FAT4: variants seen among roughly 807,000 people sequenced by gnomAD.
FAT4 encodes FAT atypical cadherin 4, also known as protocadherin Fat 4.
In FAT4, 84 loss-of-function variants were observed where a neutral mutation model predicts 303.9. That is an observed-to-expected ratio of 0.28 (90% CI 0.23 to 0.33). The LOEUF is 0.33. FAT4 is among the 10% of genes least tolerant of loss of function. The pLI, the probability that FAT4 is intolerant of heterozygous loss-of-function variation, is 1.00. For synonymous variants in FAT4, 2,307 were observed against 2,298.8 expected, an observed-to-expected ratio of 1.00 and a Z score of -0.10; for missense variants, 6,005 against 6,146.8, an observed-to-expected ratio of 0.98 and a Z score of 0.77.
chr4:125,339,805 C>A (rs1233639317), intron 2 of FAT4, among the ~76,000 whole-genome samples: 1 of 152,024 alleles, frequency 6.6e-6, no homozygotes, highest in African/African-American at 2.4e-5. Context: ...AATAGCACAT[C>A]CTGACCTGGT....
At position 125,491,941 on chromosome 4, in the gene FAT4, CTTAAT is replaced by C; in HGVS notation, c.*178_*182del. ...CTGCTGAAACAGACTCACAACAACT[CTTAAT>C]TTAAACATGTGTGGTTGAATTTATT... is the stretch of plus-strand genomic sequence containing the variant. On this transcript the variant is annotated 3_prime_UTR_variant, in exon 18 of 18. Coordinates refer to ENST00000394329, the MANE Select transcript of FAT4 (RefSeq NM_001291303.3). 1 of 626,920 alleles carries C rather than the reference CTTAAT, an allele frequency of 1.6e-6. No individual in the cohort carries two copies. Among genetic ancestry groups the C allele is most frequent in the Non-Finnish European group, 2.7e-6 (1 of 376,162 alleles). 38.8% of individuals were successfully genotyped at this position (626,920 alleles called of 1,614,324 possible).
At chr4:125,376,271 C>T (rs1247713438) in intron 2 of FAT4, among the ~76,000 whole-genome samples, 1 of 152,006 alleles carries the variant, frequency 6.6e-6, no homozygotes, top group African/African-American at 2.4e-5. Flanking sequence ...TTTATTTTTC[C>T]TTTTAGAAAA....
chr4:125,392,985 C>G (rs1734029958), intron 2 of FAT4, among the ~76,000 whole-genome samples: 1 of 152,050 alleles, frequency 6.6e-6, no homozygotes, highest in Non-Finnish European at 1.5e-5. Flanking sequence ...TTTTGACTCT[C>G]TGTAAAATAA....
intron 2 of FAT4, among the ~76,000 whole-genome samples, chr4:125,336,426 A>T (rs1435335129): frequency 1.3e-5 from 2 of 152,022 alleles, no homozygotes; most frequent in Non-Finnish European, 2.9e-5. Flanking sequence ...TACTGAAGTT[A>T]TATTCTAAAT....
rs1386665543 is a variant in FAT4, at chr4:125,318,552, C to T, written c.2141C>T (p.Thr714Ile). Reference protein sequence around the residue: ...GGSYITTVSATDPDLGTNGTV... With the variant: ...GGSYITTVSAIDPDLGTNGTV... The stretch of plus-strand genomic sequence containing the variant: ...AGCTACATCACCACTGTGTCTGCCA[C>T]TGACCCAGACTTGGGTACCAATGGT... The change falls in exon 2 of 18, where the codon ACT (threonine) becomes ATT (isoleucine). Residue 714 changes from threonine to isoleucine, a missense_variant. Coordinates refer to ENST00000394329, the MANE Select transcript of FAT4 (RefSeq NM_001291303.3). The T allele has an allele frequency of 1.2e-6, 2 of 1,614,100 alleles. No homozygotes were observed. Among genetic ancestry groups the T allele is most frequent in the Non-Finnish European group, 1.7e-6 (2 of 1,180,042 alleles).
At chr4:125,435,265 T>G (rs560476297) in intron 8 of FAT4, among the ~76,000 whole-genome samples, 1 of 152,318 alleles carries the variant, frequency 6.6e-6, no homozygotes, top group Admixed American at 6.5e-5. Flanking sequence ...CTTCCATATC[T>G]ATTCTAAACT....
chr4:125,393,930 A>C (rs778861986), intron 2 of FAT4: 1 of 780,006 alleles, frequency 1.3e-6, no homozygotes, highest in South Asian at 1.3e-5. Flanking sequence ...TTGTGAAGCT[A>C]CCTAAATGGT....
chr4:125,465,103 T>G (rs1010483593), intron 11 of FAT4, among the ~76,000 whole-genome samples: 2 of 151,978 alleles, frequency 1.3e-5, no homozygotes, highest in Non-Finnish European at 2.9e-5. Context: ...TTACCAATGG[T>G]TTTGAGGCCC....
chr4:125,379,261 T>A (rs893333788), intron 2 of FAT4, among the ~76,000 whole-genome samples: 2 of 150,568 alleles, frequency 1.3e-5, no homozygotes, highest in African/African-American at 4.9e-5. Context: ...TTTTTTTTTT[T>A]AAAGTAGGAA....
intron 6 of FAT4, 149 bp downstream of exon 6, chr4:125,415,955 G>C (rs938797366): frequency 1.7e-5 from 11 of 637,138 alleles, no homozygotes; most frequent in Non-Finnish European, 2.9e-5. Flanking sequence ...ATTTTGAAAA[G>C]GAAAGGTTTA....
chr4:125,457,263 T>A (rs1188149688), intron 10 of FAT4, among the ~76,000 whole-genome samples: 1 of 152,054 alleles, frequency 6.6e-6, no homozygotes, highest in East Asian at 1.9e-4. Flanking sequence ...TCCCCTAGGG[T>A]GTGATTAAAT....
At position 125,407,019 on chromosome 4, in the gene FAT4, C is replaced by T; in HGVS notation, c.5447C>T (p.Ala1816Val). Residue 1816 changes from alanine (A) to valine (V), a missense_variant, in exon 4 of 18, where the codon GCT becomes GTT. Ala to Val is a moderately conservative substitution (Grantham distance 64). Transcript: ENST00000394329. ...RRSKYSLLVRADDGLQSSDMR... is the reference protein window; with the variant it reads ...RRSKYSLLVRVDDGLQSSDMR... ...TCCAAATATTCACTGCTAGTTCGTG[C>T]TGATGATGGTCTTCAGTCCTCGGAT... 1 of 1,613,838 alleles carries T rather than the reference C, an allele frequency of 6.2e-7. No homozygotes were observed. The highest frequency in any genetic ancestry group is 1.1e-5 in the South Asian group (1 of 91,080).
At chr4:125,336,785 G>A (rs555239098) in intron 2 of FAT4, among the ~76,000 whole-genome samples, 91 of 151,970 alleles carry the variant, frequency 6.0e-4, no homozygotes, top group African/African-American at 2.0e-3. Context: ...TATTTATTCT[G>A]ATGTTGAGGC....
In FAT4 at chr4:125,318,937, C is replaced by G; in HGVS notation, c.2526C>G (p.Asn842Lys). The G allele has an allele frequency of 6.2e-7, 1 of 1,614,128 alleles. No homozygotes were observed. Among genetic ancestry groups the G allele is most frequent in the Non-Finnish European group, 8.5e-7 (1 of 1,180,022 alleles). ...TGDQKGMFAI[N>K]QVTGQLTTAN... ...ATCAGAAAGGTATGTTTGCTATCAACCAGGTCACTGGGCAGCTTACCACAG... is the reference window on the plus strand; with the variant it reads ...ATCAGAAAGGTATGTTTGCTATCAAGCAGGTCACTGGGCAGCTTACCACAG... Residue 842 changes from asparagine (N) to lysine (K), a missense_variant, in exon 2 of 18, where the codon AAC becomes AAG. Asn to Lys is a moderately conservative substitution (Grantham distance 94). Coordinates refer to ENST00000394329, the MANE Select transcript of FAT4 (RefSeq NM_001291303.3).
intron 2 of FAT4, among the ~76,000 whole-genome samples, chr4:125,340,785 C>T (rs1257913345): frequency 6.6e-6 from 1 of 152,080 alleles, no homozygotes; most frequent in Non-Finnish European, 1.5e-5. Flanking sequence ...ATAGTAACAG[C>T]ATAGTAACAG....
chr4:125,427,732 C>T (rs937614629), intron 7 of FAT4, among the ~76,000 whole-genome samples: 6 of 151,992 alleles, frequency 3.9e-5, no homozygotes, highest in South Asian at 2.1e-4. Context: ...ACAAACACAC[C>T]GCTAGTCAGG....
At position 125,431,494 on chromosome 4, in the gene FAT4, T is replaced by C. The variant is rs144101840; in HGVS notation, c.7019-2751T>C. ...TCCTGAGAGCTGTAATACAGAAAACTATATAATAAAAAATGACTTTTTATA... is the reference window on the plus strand; with the variant it reads ...TCCTGAGAGCTGTAATACAGAAAACCATATAATAAAAAATGACTTTTTATA... On this transcript the variant is annotated intron_variant, in intron 7 of 17. Coordinates refer to ENST00000394329, the MANE Select transcript of FAT4 (RefSeq NM_001291303.3). 3.5e-3 allele frequency among the ~76,000 whole-genome samples: 531 copies of C among 152,270 alleles called. 3 individuals are homozygous for C. The highest frequency in any genetic ancestry group is 0.012 in the African/African-American group (504 of 41,562).
chr4:125,401,794 A>G (rs1734400110), intron 3 of FAT4, among the ~76,000 whole-genome samples: 6 of 151,880 alleles, frequency 4.0e-5, no homozygotes, highest in Admixed American at 3.3e-4. Context: ...TCGTGGTACC[A>G]TACATGTTTT....
chr4:125,471,171 T>C (rs1481276083), intron 12 of FAT4, among the ~76,000 whole-genome samples: 1 of 152,248 alleles, frequency 6.6e-6, no homozygotes, highest in Non-Finnish European at 1.5e-5. Context: ...GCACGGTTCA[T>C]GTTGCCACAA....
Sources: gnomAD v4.1 joint callset for allele counts (sites outside exome capture counted in the v4.1 genomes callset) on GRCh38, gnomAD v4.1.1 for gene constraint, MANE v1.5 for transcripts, NCBI Gene and HGNC (gene_info 2026-07-23, HGNC 2026-07-21) for gene names.